The following NAALADL2 variants were observed in gnomAD, a reference collection of about 807,000 sequenced individuals.
NAALADL2 encodes the protein inactive N-acetylated-alpha-linked acidic dipeptidase-like protein 2.
NAALADL2 carries 76 observed loss-of-function variants against 87.2 expected under a neutral mutation model. The observed-to-expected ratio is 0.87, with a 90% CI of 0.72 to 1.05. NAALADL2 has a LOEUF of 1.05. Ranked by LOEUF, NAALADL2 falls within the 50% of genes least tolerant of loss-of-function variation. NAALADL2 has a pLI of 0.00. For synonymous variants in NAALADL2, 354 were observed against 331.0 expected, an observed-to-expected ratio of 1.07 and a Z score of -0.75; for missense variants, 1,089 against 945.8, an observed-to-expected ratio of 1.15 and a Z score of -1.99.
chr3:175,022,947 AGTTT>A (rs1383192458), intron 1 of NAALADL2, among the ~76,000 whole-genome samples: 2 of 152,014 alleles, frequency 1.3e-5, no homozygotes, highest in Admixed American at 1.3e-4. Flanking sequence ...AGAGCCCTGT[AGTTT>A]GTTTGTTTTA....
chr3:175,582,362 C>G (rs1719913489), intron 10 of NAALADL2, among the ~76,000 whole-genome samples: 1 of 152,096 alleles, frequency 6.6e-6, no homozygotes, highest in Admixed American at 6.5e-5. Flanking sequence ...GCTTAGAAAT[C>G]TAAATAAGAA....
intron 1 of NAALADL2, among the ~76,000 whole-genome samples, chr3:175,061,495 A>G (rs1354090333): frequency 6.6e-6 from 1 of 152,100 alleles, no homozygotes; most frequent in Non-Finnish European, 1.5e-5. Flanking sequence ...ACAACTTCAT[A>G]GTCTTCTGCT....
chr3:175,003,548 G>C (rs1198331486), intron 1 of NAALADL2, among the ~76,000 whole-genome samples: 1 of 152,062 alleles, frequency 6.6e-6, no homozygotes, highest in African/African-American at 2.4e-5. Context: ...ACAACCTCTG[G>C]CCTACCACTA....
intron 2 of NAALADL2, among the ~76,000 whole-genome samples, chr3:175,177,164 C>T (rs750296830): frequency 4.6e-5 from 7 of 151,986 alleles, no homozygotes; most frequent in Admixed American, 2.0e-4. Flanking sequence ...CCATATGCTC[C>T]AGCTTCTTGT....
intron 3 of NAALADL2, chr3:175,234,730 T>TTC (rs1745532307): frequency 6.6e-6 from 1 of 152,356 alleles, no homozygotes; most frequent in Non-Finnish European, 1.5e-5. Flanking sequence ...TGATGCAGTT[T>TTC]TTTTTTTTGG....
intron 2 of NAALADL2, among the ~76,000 whole-genome samples, chr3:175,224,060 A>G (rs1743804089): frequency 6.6e-6 from 1 of 152,144 alleles, no homozygotes; most frequent in Non-Finnish European, 1.5e-5. Flanking sequence ...AGAAAGACAG[A>G]GAGAGAGTTG....
intron 2 of NAALADL2, among the ~76,000 whole-genome samples, chr3:174,586,335 A>G (rs546458244): frequency 1.8e-4 from 28 of 152,322 alleles, no homozygotes; most frequent in South Asian, 8.3e-4. Flanking sequence ...TAAGGCCACA[A>G]TGAATATTCT....
chr3:174,858,194 ATAT>A (rs530947358), upstream of NAALADL2, among the ~76,000 whole-genome samples: 450 of 148,194 alleles, frequency 3.0e-3, 2 homozygotes, highest in African/African-American at 0.01. Context: ...AATTTGTAAA[ATAT>A]TAATATATAT....
At chr3:174,696,885 C>CGTTCTT (rs1218811060) in intron 2 of NAALADL2, among the ~76,000 whole-genome samples, 5 of 152,034 alleles carry the variant, frequency 3.3e-5, no homozygotes, top group African/African-American at 1.2e-4. Context: ...TAAAAATAGC[C>CGTTCTT]GTTCTTAGCA....
chr3:174,498,631 T>C (rs952960646), intron 1 of NAALADL2, among the ~76,000 whole-genome samples: 2 of 150,278 alleles, frequency 1.3e-5, no homozygotes, highest in African/African-American at 4.9e-5. Context: ...TAAACATATA[T>C]ATATAATATA....
At chr3:175,704,037 G>T (rs1468045912) in intron 11 of NAALADL2, among the ~76,000 whole-genome samples, 1 of 152,040 alleles carries the variant, frequency 6.6e-6, no homozygotes, top group East Asian at 1.9e-4. Context: ...CTTAAGAAAA[G>T]ATAATTTTGA....
intron 1 of NAALADL2, among the ~76,000 whole-genome samples, chr3:174,498,976 TGAGA>T (rs992483426): frequency 3.9e-5 from 6 of 152,010 alleles, no homozygotes; most frequent in East Asian, 1.9e-4. Flanking sequence ...TAAGTTATTC[TGAGA>T]GAGAGAGAAT....
intron 1 of NAALADL2, among the ~76,000 whole-genome samples, chr3:174,507,810 T>C (rs949989232): frequency 3.3e-5 from 5 of 152,156 alleles, no homozygotes; most frequent in Non-Finnish European, 5.9e-5. Flanking sequence ...TTAGGTATCA[T>C]GAGTTAAGCT....
chr3:174,824,077 T>C (rs1579080598), intron 3 of NAALADL2, among the ~76,000 whole-genome samples: 1 of 152,336 alleles, frequency 6.6e-6, no homozygotes, highest in African/African-American at 2.4e-5. Context: ...CCATGCTAAC[T>C]TAAATGTGTA....
chr3:175,299,347 T>C (rs1211103501), intron 4 of NAALADL2, among the ~76,000 whole-genome samples: 1 of 152,202 alleles, frequency 6.6e-6, no homozygotes, highest in Non-Finnish European at 1.5e-5. Flanking sequence ...GGTAGCTTGA[T>C]GGGGATAGCA....
chr3:174,981,309 A>G (rs1363343123), intron 1 of NAALADL2, among the ~76,000 whole-genome samples: 3 of 152,222 alleles, frequency 2.0e-5, no homozygotes, highest in African/African-American at 4.8e-5. Flanking sequence ...GGACATACTC[A>G]TAATTAAGTA....
chr3:175,184,855 AT>A (rs1423253103), intron 2 of NAALADL2, among the ~76,000 whole-genome samples: 1 of 152,122 alleles, frequency 6.6e-6, no homozygotes, highest in African/African-American at 2.4e-5. Context: ...TGCCAAACTT[AT>A]TCCAAAAACT....
chr3:175,398,090 T>A (rs957507995), intron 5 of NAALADL2, among the ~76,000 whole-genome samples: 9 of 152,150 alleles, frequency 5.9e-5, no homozygotes, highest in Non-Finnish European at 8.8e-5. Flanking sequence ...AATATTTCAG[T>A]GAGAAAGTTT....
chr3:175,021,597 A>G (rs1751571625), intron 1 of NAALADL2, among the ~76,000 whole-genome samples: 1 of 152,066 alleles, frequency 6.6e-6, no homozygotes, highest in Admixed American at 6.6e-5. Flanking sequence ...TGGAGAAGTC[A>G]AACTGCCAAG....
Sources: gnomAD v4.1 joint callset for allele counts (sites outside exome capture counted in the v4.1 genomes callset) on GRCh38, gnomAD v4.1.1 for gene constraint, MANE v1.5 for transcripts, NCBI Gene and HGNC (gene_info 2026-07-23, HGNC 2026-07-21) for gene names.